The following PRKN variants were observed in gnomAD, a reference collection of about 807,000 sequenced individuals.
The protein encoded by PRKN is E3 ubiquitin-protein ligase parkin.
A neutral mutation model predicts 59.5 loss-of-function variants in PRKN; 56 were observed. That is an observed-to-expected ratio of 0.94 (90% confidence interval 0.76 to 1.18). The LOEUF (loss-of-function observed/expected upper bound fraction) is 1.18. Among genes scored for constraint, PRKN ranks in the 50% most tolerant of loss-of-function variants. PRKN has a pLI of 0.00. For synonymous variants in PRKN, 250 were observed against 222.1 expected (o/e 1.13, Z -1.12); for missense variants, 657 against 596.4 (o/e 1.10, Z -1.06).
chr6:162,696,035 A>G (rs1252434324), intron 1 of PRKN, among the ~76,000 whole-genome samples: 1 of 152,148 alleles, frequency 6.6e-6, no homozygotes, highest in Non-Finnish European at 1.5e-5. Flanking sequence ...GACTACAGAA[A>G]GTGCCTGGAA....
In PRKN at chr6:161,757,878, T is replaced by TACACACACACAC. The variant is rs1172982499; in HGVS notation, c.871+27893_871+27894insGTGTGTGTGTGT. Among the ~76,000 whole-genome samples, 21 of 94,694 alleles carry TACACACACACAC rather than the reference T, an allele frequency of 2.2e-4. 1 individual carries two copies. Among genetic ancestry groups the TACACACACACAC allele is most frequent in the African/African-American group, 9.9e-4 (20 of 20,128 alleles). 62.1% of individuals were successfully genotyped at this position (94,694 alleles called of 152,430 possible). ...CTCTCTCTCTCTCTCTCTCTGTGTATATATATATACACACACACACACACA... is the reference window on the plus strand; with the variant it reads ...CTCTCTCTCTCTCTCTCTCTGTGTATACACACACACACATATATATACACACACACACACACA... On this transcript the variant is annotated intron_variant, in intron 7 of 11. Transcript: ENST00000366898.
At chr6:161,819,738 T>G (rs6926426) in intron 6 of PRKN, among the ~76,000 whole-genome samples, 1 of 151,940 alleles carries the variant, frequency 6.6e-6, no homozygotes, top group Admixed American at 6.5e-5. Flanking sequence ...CTTTCAGAGA[T>G]TAAGGCACAT....
In PRKN at chr6:161,458,572, A is replaced by T. The variant is rs149877458; in HGVS notation, c.1084-71695T>A. Among the ~76,000 whole-genome samples, 1 of 152,344 alleles carries T rather than the reference A, an allele frequency of 6.6e-6. No individual in the cohort carries two copies. The highest frequency in any genetic ancestry group is 1.5e-5 in the Non-Finnish European group (1 of 68,032). On this transcript the variant is annotated intron_variant, in intron 9 of 11. Coordinates refer to ENST00000366898, the MANE Select transcript of PRKN (RefSeq NM_004562.3). This position sits in a 1 kb window ranked among gnomAD's most constrained non-coding sequence, Gnocchi z 6.1. ...ATTATTTCCTTCCTACATTTAAATG[A>T]ACTATGATTACCCTTGATTTAATAG...
chr6:161,727,687 G>T (rs557552631), intron 7 of PRKN, among the ~76,000 whole-genome samples: 1 of 152,250 alleles, frequency 6.6e-6, no homozygotes, highest in East Asian at 1.9e-4. Context: ...TCTGCCTTTA[G>T]CAACTTAACA....
At chr6:162,390,400 C>T (rs567699324) in intron 2 of PRKN, among the ~76,000 whole-genome samples, 3,602 of 96,136 alleles carry the variant, frequency 0.037, 153 homozygotes, top group African/African-American at 0.14. Context: ...TATATATACA[C>T]ACACACACAC....
chr6:162,402,923 A>T (rs1188290973), intron 2 of PRKN, among the ~76,000 whole-genome samples: 1 of 152,052 alleles, frequency 6.6e-6, no homozygotes, highest in African/African-American at 2.4e-5. Flanking sequence ...GGTTACAGGC[A>T]TGAGCCACTC....
chr6:161,947,903 C>A (rs903917008), intron 6 of PRKN, among the ~76,000 whole-genome samples: 2 of 152,120 alleles, frequency 1.3e-5, no homozygotes, highest in Admixed American at 6.5e-5. Context: ...TTATGCCATC[C>A]TCTGAAAGCA....
intron 7 of PRKN, among the ~76,000 whole-genome samples, chr6:161,761,676 C>G (rs1789208030): frequency 6.6e-6 from 1 of 152,148 alleles, no homozygotes; most frequent in African/African-American, 2.4e-5. Context: ...ACATAGAGAG[C>G]TAGAAGCAGA....
chr6:162,707,280 AT>A (rs1778371336), intron 1 of PRKN, among the ~76,000 whole-genome samples: 2 of 152,212 alleles, frequency 1.3e-5, no homozygotes, highest in South Asian at 4.1e-4. Context: ...AAGTATTCAA[AT>A]TAAGTTATGT....
chr6:162,117,208 G>A (rs1448100163), intron 4 of PRKN, among the ~76,000 whole-genome samples: 1 of 152,186 alleles, frequency 6.6e-6, no homozygotes, highest in Non-Finnish European at 1.5e-5. Flanking sequence ...AATGAAGAAT[G>A]ATTTTAAATC....
chr6:162,254,895 T>C (rs1010399544), intron 3 of PRKN, among the ~76,000 whole-genome samples: 1 of 151,860 alleles, frequency 6.6e-6, no homozygotes, highest in African/African-American at 2.4e-5. Flanking sequence ...CAAATACATA[T>C]GCCATACATC....
At chr6:162,701,566 A>T (rs938268909) in intron 1 of PRKN, among the ~76,000 whole-genome samples, 5 of 152,040 alleles carry the variant, frequency 3.3e-5, no homozygotes, top group African/African-American at 1.2e-4. Flanking sequence ...AAATGTGATT[A>T]AAAAAATACA....
chr6:162,564,634 G>T (rs1290811749), intron 1 of PRKN, among the ~76,000 whole-genome samples: 4 of 152,118 alleles, frequency 2.6e-5, no homozygotes, highest in Non-Finnish European at 4.4e-5. Flanking sequence ...ATACAATGGA[G>T]CTCCAAAACA....
intron 5 of PRKN, among the ~76,000 whole-genome samples, chr6:162,021,303 T>A (rs1196781172): frequency 6.9e-6 from 1 of 145,874 alleles, no homozygotes; most frequent in East Asian, 2.0e-4. Context: ...CTTAAATGAC[T>A]AAAAATCTGA....
chr6:162,115,636 C>A (rs1304677520), intron 4 of PRKN, among the ~76,000 whole-genome samples: 3 of 151,248 alleles, frequency 2.0e-5, no homozygotes, highest in Non-Finnish European at 4.4e-5. Flanking sequence ...GGAAAGCAAG[C>A]GGTGTTTGTC....
chr6:162,390,396 T>TATATATATATATATATAC (rs1180636201), intron 2 of PRKN, among the ~76,000 whole-genome samples: 72 of 84,090 alleles, frequency 8.6e-4, no homozygotes, highest in South Asian at 1.4e-3. Context: ...TATATATATA[T>TATATATATATATATATAC]ACACACACAC....
intron 4 of PRKN, among the ~76,000 whole-genome samples, chr6:162,130,662 T>C (rs1781315333): frequency 6.6e-6 from 1 of 152,172 alleles, no homozygotes. Context: ...ACATCTATGG[T>C]GACTATCCAT....
intron 8 of PRKN, among the ~76,000 whole-genome samples, chr6:161,567,733 G>A (rs756614626): frequency 2.6e-5 from 4 of 152,286 alleles, no homozygotes; most frequent in Admixed American, 1.3e-4. Context: ...GCAGATCTGA[G>A]GAGATGATTA....
chr6:161,708,822 G>A (rs1349772835), intron 7 of PRKN, among the ~76,000 whole-genome samples: 4 of 152,198 alleles, frequency 2.6e-5, no homozygotes, highest in Non-Finnish European at 5.9e-5. Flanking sequence ...ACATGGCTAC[G>A]AATAATGTTG....
Sources: gnomAD v4.1 joint callset for allele counts (sites outside exome capture counted in the v4.1 genomes callset) on GRCh38, gnomAD v4.1.1 for gene constraint, Gnocchi (gnomAD v3.1) non-coding constraint, MANE v1.5 for transcripts, NCBI Gene and HGNC (gene_info 2026-07-23, HGNC 2026-07-21) for gene names.